Variants in EPHA6 observed in about 807,000 individuals in gnomAD.
The protein encoded by EPHA6 is EPH receptor A6.
Under a neutral mutation model 112.0 loss-of-function variants are expected in EPHA6, and 50 were observed. That is an observed-to-expected ratio of 0.45 (90% CI 0.36 to 0.56). EPHA6 has a LOEUF of 0.56. Among genes scored for constraint, EPHA6 ranks in the 20% least tolerant of loss-of-function variants. The pLI, the probability that EPHA6 is intolerant of heterozygous loss-of-function variation, is 0.00. For synonymous variants in EPHA6, 529 were observed against 490.7 expected (o/e 1.08, Z -1.03); for missense variants, 1,280 against 1,417.4 (o/e 0.90, Z 1.56).
chr3:97,742,522 C>T (rs2035547840), intron 16 of EPHA6, among the ~76,000 whole-genome samples: 1 of 151,914 alleles, frequency 6.6e-6, no homozygotes, highest in Admixed American at 6.6e-5. Context: ...AGTTATCAGC[C>T]TTATTATGTT....
At chr3:97,232,639 C>A (rs2078562280) in intron 4 of EPHA6, among the ~76,000 whole-genome samples, 2 of 152,070 alleles carry the variant, frequency 1.3e-5, no homozygotes, top group Admixed American at 1.3e-4. Context: ...CAGTATGAGA[C>A]CAAGGCAAGT....
At chr3:97,481,096 T>C (rs1461888193) in intron 9 of EPHA6, 2 of 523,272 alleles carry the variant, frequency 3.8e-6, no homozygotes, top group Non-Finnish European at 7.4e-6. Flanking sequence ...GAGGCTGCAA[T>C]CTCGACACTT....
At chr3:97,592,801 T>C (rs1054652750) in intron 12 of EPHA6, 64 bp downstream of exon 12, 1 of 1,458,860 alleles carries the variant, frequency 6.9e-7, no homozygotes, top group Admixed American at 2.6e-5. Context: ...TCATAGTTGA[T>C]AGGCCCCAAA....
chr3:97,498,490 A>C (rs912770536), intron 10 of EPHA6, among the ~76,000 whole-genome samples: 1 of 152,154 alleles, frequency 6.6e-6, no homozygotes. Context: ...GAAAAAAATA[A>C]AGGGGTAGGG....
chr3:97,509,619 T>C (rs1216770200), intron 10 of EPHA6, among the ~76,000 whole-genome samples: 1 of 152,182 alleles, frequency 6.6e-6, no homozygotes, highest in Non-Finnish European at 1.5e-5. Context: ...GCCCTTAACA[T>C]TTTTTCCTTC....
intron 12 of EPHA6, among the ~76,000 whole-genome samples, chr3:97,594,802 T>C (rs1044999332): frequency 1.3e-5 from 2 of 152,264 alleles, no homozygotes; most frequent in Middle Eastern, 3.4e-3. Flanking sequence ...GCAGCAAGTG[T>C]TTTCTCCCAT....
chr3:97,296,508 A>T (rs2080879485), intron 5 of EPHA6, among the ~76,000 whole-genome samples: 1 of 152,116 alleles, frequency 6.6e-6, no homozygotes, highest in Non-Finnish European at 1.5e-5. Context: ...GTTTATAGAG[A>T]GCATGCAAGT....
chr3:97,518,172 T>A (rs1291105451), intron 10 of EPHA6, among the ~76,000 whole-genome samples: 4 of 152,194 alleles, frequency 2.6e-5, no homozygotes, highest in Non-Finnish European at 5.9e-5. Flanking sequence ...CATATCATTT[T>A]CCATAATTGC....
intron 3 of EPHA6, among the ~76,000 whole-genome samples, chr3:97,140,334 G>C (rs923573267): frequency 6.6e-6 from 1 of 152,124 alleles, no homozygotes; most frequent in Non-Finnish European, 1.5e-5. Context: ...AGAAAGCCCA[G>C]AGAGCATATG....
chr3:97,541,223 G>A (rs1385288596), intron 11 of EPHA6, among the ~76,000 whole-genome samples: 1 of 152,132 alleles, frequency 6.6e-6, no homozygotes, highest in African/African-American at 2.4e-5. Context: ...GGTTGCTGCT[G>A]CTGTTGTCAG....
At chr3:97,426,829 G>A (rs1302355217) in intron 6 of EPHA6, among the ~76,000 whole-genome samples, 2 of 151,948 alleles carry the variant, frequency 1.3e-5, no homozygotes, top group African/African-American at 2.4e-5. Context: ...AATCTATAAG[G>A]AACTTACACA....
intron 12 of EPHA6, among the ~76,000 whole-genome samples, chr3:97,603,767 A>G (rs1184946968): frequency 6.6e-6 from 1 of 151,914 alleles, no homozygotes; most frequent in Non-Finnish European, 1.5e-5. Context: ...TACTCATATA[A>G]ATTGTTTTAC....
chr3:97,238,690 G>A (rs1040463914), intron 4 of EPHA6, among the ~76,000 whole-genome samples: 2 of 151,804 alleles, frequency 1.3e-5, no homozygotes, highest in Non-Finnish European at 2.9e-5. Context: ...GTATAAAAGT[G>A]ATCAGTTCTG....
chr3:97,247,821 T>C (rs1016556401), intron 5 of EPHA6, among the ~76,000 whole-genome samples: 1 of 151,892 alleles, frequency 6.6e-6, no homozygotes, highest in African/African-American at 2.4e-5. Flanking sequence ...GTCAGACTAA[T>C]AAGATTGCTC....
chr3:97,414,931 G>A (rs1307634140), intron 6 of EPHA6, among the ~76,000 whole-genome samples: 1 of 151,952 alleles, frequency 6.6e-6, no homozygotes, highest in East Asian at 1.9e-4. Context: ...TATTTAGAGA[G>A]GACTTCTAAG....
intron 5 of EPHA6, among the ~76,000 whole-genome samples, chr3:97,337,148 A>G (rs1016094939): frequency 6.6e-6 from 1 of 152,164 alleles, no homozygotes; most frequent in African/African-American, 2.4e-5. Flanking sequence ...TCACAGATTG[A>G]TGGATTTACT....
intron 12 of EPHA6, among the ~76,000 whole-genome samples, chr3:97,609,759 C>T (rs1465478917): frequency 2.6e-5 from 4 of 151,454 alleles, no homozygotes; most frequent in Admixed American, 2.6e-4. Flanking sequence ...ATATTTCCAT[C>T]ATTGGTACAC....
At chr3:97,504,929 A>G (rs567751546) in intron 10 of EPHA6, among the ~76,000 whole-genome samples, 2 of 152,236 alleles carry the variant, frequency 1.3e-5, no homozygotes, top group African/African-American at 4.8e-5. Flanking sequence ...ACTTGAAATC[A>G]ATCCCAATTT....
chr3:97,154,634 C>T (rs2076247977), intron 3 of EPHA6, among the ~76,000 whole-genome samples: 1 of 152,120 alleles, frequency 6.6e-6, no homozygotes, highest in Non-Finnish European at 1.5e-5. Flanking sequence ...CCTTCCTCCA[C>T]CTTTAAAAAC....
Sources: gnomAD v4.1 joint callset for allele counts (sites outside exome capture counted in the v4.1 genomes callset) on GRCh38, gnomAD v4.1.1 for gene constraint, MANE v1.5 for transcripts, NCBI Gene and HGNC (gene_info 2026-07-23, HGNC 2026-07-21) for gene names.